Variants in SH3RF3 observed in about 807,000 individuals in gnomAD.
SH3RF3 encodes the protein SH3 domain containing ring finger 3.
Under a neutral mutation model 66.3 loss-of-function variants are expected in SH3RF3, and 29 were observed. The observed-to-expected ratio is 0.44, with a 90% CI of 0.33 to 0.60. The LOEUF (loss-of-function observed/expected upper bound fraction) is 0.60. Among genes scored for constraint, SH3RF3 ranks in the 20% least tolerant of loss-of-function variants. The pLI, the probability that SH3RF3 is intolerant of heterozygous loss-of-function variation, is 0.04. For synonymous variants in SH3RF3, 583 were observed against 532.0 expected, an observed-to-expected ratio of 1.10 and a Z score of -1.32; for missense variants, 1,194 against 1,190.9, an observed-to-expected ratio of 1.00 and a Z score of -0.04.
intron 1 of SH3RF3, among the ~76,000 whole-genome samples, chr2:109,224,270 A>G (rs1200780466): frequency 2.0e-5 from 3 of 152,240 alleles, no homozygotes; most frequent in African/African-American, 7.2e-5. Context: ...CAAGCATAGT[A>G]AAATAAGACT....
chr2:109,249,519 T>TTCTTTCTTTCTC (rs10646553), intron 1 of SH3RF3, among the ~76,000 whole-genome samples: 5 of 61,900 alleles, frequency 8.1e-5, no homozygotes, highest in Non-Finnish European at 1.3e-4. Context: ...CATTCTTTCT[T>TTCTTTCTTTCTC]TTTCTTTCTT....
rs572562875 is a variant in SH3RF3, at chr2:109,295,334, T to TA, written c.574-52337dup. ...TGAGGAAACCACAGGTCAGAGAGGT[T>TA]AAACAATTGCTCAAGTCACACAGCT... On this transcript the variant is annotated intron_variant, in intron 1 of 9. Coordinates refer to ENST00000309415, the MANE Select transcript of SH3RF3 (RefSeq NM_001099289.3). Among the ~76,000 whole-genome samples, 10 of 152,308 alleles carry TA rather than the reference T, an allele frequency of 6.6e-5. No homozygotes were observed. The East Asian group carries it at 1.9e-3, about 29-fold the overall frequency.
chr2:109,159,735 T>C (rs1677440772), intron 1 of SH3RF3, among the ~76,000 whole-genome samples: 2 of 152,162 alleles, frequency 1.3e-5, no homozygotes, highest in Non-Finnish European at 2.9e-5. Flanking sequence ...TTTCCATCTT[T>C]TGTCTGATCA....
At chr2:109,345,779 C>A (rs1414861234) in intron 1 of SH3RF3, among the ~76,000 whole-genome samples, 1 of 152,174 alleles carries the variant, frequency 6.6e-6, no homozygotes, top group Non-Finnish European at 1.5e-5. Flanking sequence ...GTAAATTTAA[C>A]CAAACAGGCT....
At chr2:109,296,623 G>T (rs1574556867) in intron 1 of SH3RF3, among the ~76,000 whole-genome samples, 1 of 152,168 alleles carries the variant, frequency 6.6e-6, no homozygotes, top group South Asian at 2.1e-4. Flanking sequence ...AGGGACTCAG[G>T]GTAAATGAGC....
chr2:109,196,111 C>T (rs1027692311), intron 1 of SH3RF3, among the ~76,000 whole-genome samples: 1 of 152,218 alleles, frequency 6.6e-6, no homozygotes, highest in Non-Finnish European at 1.5e-5. Flanking sequence ...TTTAATGGGA[C>T]GAGGGACAGA....
intron 1 of SH3RF3, among the ~76,000 whole-genome samples, chr2:109,267,955 C>G (rs1378995880): frequency 6.6e-6 from 1 of 151,968 alleles, no homozygotes; most frequent in Non-Finnish European, 1.5e-5. Context: ...GGACAGAGCA[C>G]CCCAGCTCTC....
intron 1 of SH3RF3, among the ~76,000 whole-genome samples, chr2:109,268,142 G>C (rs187654485): frequency 6.6e-6 from 1 of 152,012 alleles, no homozygotes; most frequent in East Asian, 1.9e-4. Flanking sequence ...TCCTTTGGTC[G>C]TCACTTTTGC....
intron 2 of SH3RF3, among the ~76,000 whole-genome samples, chr2:109,348,429 C>T (rs1574589329): frequency 6.6e-6 from 1 of 152,318 alleles, no homozygotes; most frequent in East Asian, 1.9e-4. Flanking sequence ...CTCTAGGGCA[C>T]CTGAGGCAGG....
chr2:109,273,799 A>G (rs982618151), intron 1 of SH3RF3, among the ~76,000 whole-genome samples: 1 of 152,110 alleles, frequency 6.6e-6, no homozygotes, highest in East Asian at 1.9e-4. Flanking sequence ...TGAAATCCAG[A>G]TATGCTGCTT....
chr2:109,204,551 C>T (rs1356387242), intron 1 of SH3RF3, among the ~76,000 whole-genome samples: 1 of 152,162 alleles, frequency 6.6e-6, no homozygotes, highest in Non-Finnish European at 1.5e-5. Flanking sequence ...GTACAATGTA[C>T]ACATAAATGG....
At chr2:109,294,591 A>G (rs1371333255) in intron 1 of SH3RF3, among the ~76,000 whole-genome samples, 1 of 50,550 alleles carries the variant, frequency 2.0e-5, no homozygotes, top group Admixed American at 1.9e-4. Context: ...AAAAAAGGTA[A>G]AAAAAAAAAA....
chr2:109,279,768 C>T (rs1680839994), intron 1 of SH3RF3, among the ~76,000 whole-genome samples: 1 of 152,160 alleles, frequency 6.6e-6, no homozygotes, highest in African/African-American at 2.4e-5. Flanking sequence ...TTCGCAGACG[C>T]TGACCTCGCT....
intron 1 of SH3RF3, among the ~76,000 whole-genome samples, chr2:109,169,864 CACAG>C (rs754212297): frequency 9.9e-5 from 15 of 152,086 alleles, no homozygotes; most frequent in Non-Finnish European, 1.6e-4. Context: ...CTTCCATGAA[CACAG>C]ATGCTCCCTC....
At chr2:109,328,703 G>A (rs1038627875) in intron 1 of SH3RF3, among the ~76,000 whole-genome samples, 1 of 152,110 alleles carries the variant, frequency 6.6e-6, no homozygotes, top group Non-Finnish European at 1.5e-5. Flanking sequence ...GTATGCTCCT[G>A]GTCATCACTG....
intron 2 of SH3RF3, among the ~76,000 whole-genome samples, chr2:109,355,229 G>A (rs1319179366): frequency 6.6e-6 from 1 of 152,166 alleles, no homozygotes; most frequent in African/African-American, 2.4e-5. Context: ...ATTGAGCTTT[G>A]TATCTGAAAG....
intron 1 of SH3RF3, among the ~76,000 whole-genome samples, chr2:109,239,741 C>T (rs143075799): frequency 1.3e-5 from 2 of 152,100 alleles, no homozygotes; most frequent in Non-Finnish European, 2.9e-5. Context: ...AATGGAGCCA[C>T]CTGTGGAAAG....
chr2:109,407,901 C>T (rs962133695), intron 4 of SH3RF3, among the ~76,000 whole-genome samples: 4 of 152,158 alleles, frequency 2.6e-5, no homozygotes, highest in Non-Finnish European at 4.4e-5. Flanking sequence ...TGATTTTTGT[C>T]GATTGCAAAG....
intron 1 of SH3RF3, among the ~76,000 whole-genome samples, chr2:109,227,541 C>T (rs1049264919): frequency 6.6e-6 from 1 of 152,208 alleles, no homozygotes; most frequent in Admixed American, 6.5e-5. Context: ...TCTGCCTGGG[C>T]CCTGCCCTTC....
Sources: allele counts gnomAD v4.1 joint callset (sites outside exome capture counted in the v4.1 genomes callset), GRCh38; gene constraint gnomAD v4.1.1; transcripts MANE v1.5; gene names NCBI Gene and HGNC (gene_info 2026-07-23, HGNC 2026-07-21).